Variants in SLC2A11 observed in about 807,000 individuals in gnomAD.
SLC2A11 encodes the protein solute carrier family 2, facilitated glucose transporter member 11.
In SLC2A11, 43 loss-of-function variants were observed where a neutral mutation model predicts 52.1. That is an observed-to-expected ratio of 0.82 (90% CI 0.65 to 1.06). SLC2A11 has a LOEUF of 1.06. Among genes scored for constraint, SLC2A11 ranks in the 50% least tolerant of loss-of-function variants. The pLI is 0.00. For missense variants in SLC2A11, 582 were observed against 654.2 expected, an observed-to-expected ratio of 0.89 and a Z score of 1.20; for synonymous variants, 261 against 277.6, an observed-to-expected ratio of 0.94 and a Z score of 0.59.
chr22:23,870,216 C>T (rs143773325), intron 3 of SLC2A11: 96 of 583,822 alleles, frequency 1.6e-4, no homozygotes, highest in Middle Eastern at 8.1e-4. Context: ...AACTATTGCG[C>T]GGCTATCTCA....
At chr22:23,857,519 G>GCC (rs1383752378), upstream of SLC2A11, 1 of 1,613,336 alleles carries the variant, frequency 6.2e-7, no homozygotes, top group African/African-American at 1.3e-5. Flanking sequence ...CGTCCTTACG[G>GCC]CCTCGGACGC....
At position 23,868,464 on chromosome 22, in the gene SLC2A11, G is replaced by A. The variant is rs2146116987; in HGVS notation, c.130-17G>A. 1 of 1,613,578 alleles carries A rather than the reference G, an allele frequency of 6.2e-7. No homozygotes were observed. Among genetic ancestry groups the A allele is most frequent in the Non-Finnish European group, 8.5e-7 (1 of 1,179,538 alleles). ...CGCCACCATCCCCAGAAGGCTGACT[G>A]GCATTTCTGTCCACAGCACATTCAG... On this transcript the variant is annotated splice_polypyrimidine_tract_variant and intron_variant, in intron 2 of 11. Coordinates refer to ENST00000316185, the MANE Select transcript of SLC2A11 (RefSeq NM_001024939.4).
intron 4 of SLC2A11, among the ~76,000 whole-genome samples, 173 bp downstream of exon 4, chr22:23,875,414 A>G (rs916227595): frequency 6.6e-6 from 1 of 152,150 alleles, no homozygotes; most frequent in Non-Finnish European, 1.5e-5. Context: ...TAAAGGGCTC[A>G]TATAACTAGA....
In SLC2A11 at chr22:23,885,144, G is replaced by C. The variant is rs1254245827; in HGVS notation, c.*295G>C. 7.9e-6 allele frequency: 4 copies of C among 506,652 alleles called. No homozygotes were observed. The highest frequency in any genetic ancestry group is 6.9e-6 in the Non-Finnish European group (2 of 290,824). 31.4% of individuals were successfully genotyped at this position (506,652 alleles called of 1,614,324 possible). A position where few individuals can be genotyped will look rare whatever the true frequency, so the allele number is the denominator to read the frequency against. On this transcript the variant is annotated 3_prime_UTR_variant, in exon 12 of 12. Transcript: ENST00000316185. ...AAGGTGGGAGGATCAATTGAGGCCAGAGTTTGAAACCAGCCTAGGTAACAT... is the reference window on the plus strand; with the variant it reads ...AAGGTGGGAGGATCAATTGAGGCCACAGTTTGAAACCAGCCTAGGTAACAT...
intron 2 of SLC2A11, chr22:23,866,542 A>G (rs1357401510): frequency 6.0e-6 from 1 of 165,452 alleles, no homozygotes; most frequent in Non-Finnish European, 1.5e-5. Context: ...GGGGAGTCCA[A>G]ACTACCTGGT....
chr22:23,881,956 AC>A (rs2032815466), intron 6 of SLC2A11: 1 of 111,830 alleles, frequency 8.9e-6, no homozygotes, highest in African/African-American at 5.9e-5. Flanking sequence ...AGAGAGAAAC[AC>A]ACACACACAC....
At chr22:23,857,638 A>T, upstream of SLC2A11, 1 of 849,810 alleles carries the variant, frequency 1.2e-6, no homozygotes, top group Non-Finnish European at 1.6e-6. Context: ...CAGCACCCCC[A>T]GCCCTTCTTA....
chr22:23,867,731 C>G (rs1478697147), intron 2 of SLC2A11: 1 of 470,414 alleles, frequency 2.1e-6, no homozygotes, highest in East Asian at 6.9e-5. Flanking sequence ...TCTTGAATGA[C>G]AAGATTTGAT....
chr22:23,870,071 A>G (rs1381722083), intron 3 of SLC2A11: 1 of 717,296 alleles, frequency 1.4e-6, no homozygotes. Context: ...AAGAGACACA[A>G]ACCTTCAAAC....
At chr22:23,873,330 C>CGCGT (rs2032517171) in intron 3 of SLC2A11, 2 of 132,272 alleles carry the variant, frequency 1.5e-5, no homozygotes, top group African/African-American at 7.3e-5. Context: ...TGTGTGTGTG[C>CGCGT]ACGCGTGTGT....
In SLC2A11 at chr22:23,883,931, CCG is replaced by C. The variant is rs2032914064; in HGVS notation, c.1096-16_1096-15del. The C allele has an allele frequency of 6.2e-7, 1 of 1,611,980 alleles. No individual in the cohort carries two copies. The highest frequency in any genetic ancestry group is 1.3e-5 in the African/African-American group (1 of 74,866). On this transcript the variant is annotated splice_polypyrimidine_tract_variant and intron_variant, in intron 9 of 11. Transcript: ENST00000316185. ...GGCCGGGCTGACTTCCACCTCACCC[CCG>C]CCCCGTCCACGGCAGAGCTCCTTCC...
chr22:23,877,352 G>T, intron 5 of SLC2A11, 181 bp downstream of exon 5: 1 of 1,022,550 alleles, frequency 9.8e-7, no homozygotes, highest in Non-Finnish European at 1.5e-6. Context: ...TCAACACACT[G>T]CAATGTGAAT....
Position 23,884,134 on chromosome 22 carries a change from AG to A in SLC2A11, c.1171+111del. ...TGCAATGTCCCCTGCAGGCCCTCAG[AG>A]ACCACCTCATGCCGGGGCTTCTGGG... On this transcript the variant is annotated intron_variant, in intron 10 of 11. Coordinates refer to ENST00000316185, the MANE Select transcript of SLC2A11 (RefSeq NM_001024939.4). The surrounding 1 kb of genome is among the most constrained non-coding windows in gnomAD (Gnocchi z 4.3). 2 of 1,510,206 alleles carry A rather than the reference AG, an allele frequency of 1.3e-6. No individual in the cohort carries two copies. The highest frequency in any genetic ancestry group is 2.4e-5 in the South Asian group (2 of 82,260). The allele number at this position is 1,510,206 out of a possible 1,614,324, so 93.6% of individuals were successfully genotyped here.
chr22:23,874,554 C>T (rs933546986), intron 3 of SLC2A11, among the ~76,000 whole-genome samples: 1 of 151,856 alleles, frequency 6.6e-6, no homozygotes, highest in Non-Finnish European at 1.5e-5. Context: ...CGGGTTCAAG[C>T]GACTCTCCTG....
chr22:23,867,586 G>GGGTA (rs2032312335), intron 2 of SLC2A11: 1 of 439,166 alleles, frequency 2.3e-6, no homozygotes, highest in African/African-American at 2.0e-5. Flanking sequence ...TGAGATGACA[G>GGGTA]GGTAGGGCCA....
At chr22:23,874,824 A>G (rs2032563183) in intron 3 of SLC2A11, among the ~76,000 whole-genome samples, 2 of 151,996 alleles carry the variant, frequency 1.3e-5, no homozygotes, top group African/African-American at 4.8e-5. Flanking sequence ...GGATCAGGTG[A>G]TCTGCCCGCT....
At chr22:23,881,252 T>C (rs1456594450) in intron 6 of SLC2A11, 1 of 152,282 alleles carries the variant, frequency 6.6e-6, no homozygotes, top group Non-Finnish European at 1.5e-5. Flanking sequence ...GCAGCTCAGC[T>C]GGGCATTGGC....
At chr22:23,857,518 G>A (rs1360664980), upstream of SLC2A11, 5 of 1,613,396 alleles carry the variant, frequency 3.1e-6, no homozygotes, top group South Asian at 2.2e-5. Flanking sequence ...CCGTCCTTAC[G>A]GCCTCGGACG....
intron 2 of SLC2A11, among the ~76,000 whole-genome samples, chr22:23,862,693 G>A (rs2032115688): frequency 6.6e-6 from 1 of 151,580 alleles, no homozygotes; most frequent in Non-Finnish European, 1.5e-5. Flanking sequence ...GCATGATCTT[G>A]GCTCACCACA....
Sources: gnomAD v4.1 joint callset for allele counts (sites outside exome capture counted in the v4.1 genomes callset) on GRCh38, gnomAD v4.1.1 for gene constraint, Gnocchi (gnomAD v3.1) non-coding constraint, MANE v1.5 for transcripts, NCBI Gene and HGNC (gene_info 2026-07-23, HGNC 2026-07-21) for gene names.